ITGB5: variants seen among roughly 807,000 people sequenced by gnomAD.
ITGB5 encodes the protein integrin beta-5.
In ITGB5, 38 loss-of-function variants were observed where a neutral mutation model predicts 84.8. That is an observed-to-expected ratio of 0.45 (90% CI 0.35 to 0.59). ITGB5 has a LOEUF of 0.59. Among genes scored for constraint, ITGB5 ranks in the 20% least tolerant of loss-of-function variants. The pLI, the probability that ITGB5 is intolerant of heterozygous loss-of-function variation, is 0.01. For synonymous variants in ITGB5, 393 were observed against 414.4 expected, an observed-to-expected ratio of 0.95 and a Z score of 0.63; for missense variants, 905 against 1,034.5, an observed-to-expected ratio of 0.87 and a Z score of 1.72.
chr3:124,796,801 G>A lies in ITGB5; in HGVS notation c.1280C>T (p.Ser427Leu), dbSNP rs745476981. ...KIGDTASFEV[S>L]LEARSCPSRH... The stretch of plus-strand genomic sequence containing the variant: ...GCTGGGACAGCTTCGGGCCTCCAAT[G>A]ATACTTCAAAAGATGCCTGGGCAGA... Residue 427 changes from serine to leucine, a missense_variant, in exon 10 of 15, where the codon TCA (serine) becomes TTA (leucine). Ser to Leu is a moderately radical substitution (Grantham distance 145). Coordinates refer to ENST00000296181, the MANE Select transcript of ITGB5 (RefSeq NM_002213.5). 1 of 1,604,232 alleles carries A rather than the reference G, an allele frequency of 6.2e-7. No homozygotes were observed. The highest frequency in any genetic ancestry group is 8.5e-7 in the Non-Finnish European group (1 of 1,173,446).
Position 124,766,361 on chromosome 3 carries a change from G to A in ITGB5, c.2018-16C>T. 1 of 1,613,628 alleles carries A rather than the reference G, an allele frequency of 6.2e-7. No individual in the cohort carries two copies. On this transcript the variant is annotated splice_polypyrimidine_tract_variant and intron_variant, in intron 12 of 14. Transcript: ENST00000296181. ...TCATCTTTCACTGGAAGAAAACCAAGCGGGAATGGCCTGAGTCTCTCTGAG... is the reference window on the plus strand; with the variant it reads ...TCATCTTTCACTGGAAGAAAACCAAACGGGAATGGCCTGAGTCTCTCTGAG...
At chr3:124,885,579 G>A (rs1343293096) in intron 1 of ITGB5, among the ~76,000 whole-genome samples, 3 of 152,112 alleles carry the variant, frequency 2.0e-5, no homozygotes, top group Non-Finnish European at 4.4e-5. Flanking sequence ...CAAACTAAAG[G>A]AAAGTCCTTG....
At chr3:124,818,171 T>G (rs1386435892) in intron 7 of ITGB5, among the ~76,000 whole-genome samples, 1 of 151,976 alleles carries the variant, frequency 6.6e-6, no homozygotes, top group Non-Finnish European at 1.5e-5. Flanking sequence ...TATAGACCCT[T>G]TCTTTAATAG....
chr3:124,876,839 G>A lies in ITGB5; in HGVS notation c.71-3308C>T, dbSNP rs575462745. 1.3e-4 allele frequency among the ~76,000 whole-genome samples: 20 copies of A among 152,304 alleles called. No homozygotes were observed. The South Asian group carries it at 2.5e-3, about 19-fold the overall frequency. ...AAGCCATCCAGGGCCAAATGTGGAC[G>A]AAGAAGGTCTGAGAACACAACCTAC... is the stretch of plus-strand genomic sequence containing the variant. On this transcript the variant is annotated intron_variant, in intron 1 of 14. Coordinates refer to ENST00000296181, the MANE Select transcript of ITGB5 (RefSeq NM_002213.5).
intron 9 of ITGB5, 150 bp from the exon 10 acceptor site, chr3:124,796,967 G>C (rs1261990818): frequency 1.4e-6 from 1 of 696,788 alleles, no homozygotes; most frequent in African/African-American, 1.8e-5. Context: ...GGAGTAGGAA[G>C]AGACCTCAGA....
chr3:124,832,087 TAGAG>T (rs763612709), intron 5 of ITGB5, among the ~76,000 whole-genome samples: 28 of 152,242 alleles, frequency 1.8e-4, no homozygotes, highest in Non-Finnish European at 3.4e-4. Flanking sequence ...CTGTTTCTGA[TAGAG>T]AGGAAACTCT....
At chr3:124,885,178 G>C (rs575697611) in intron 1 of ITGB5, among the ~76,000 whole-genome samples, 10 of 152,222 alleles carry the variant, frequency 6.6e-5, no homozygotes, top group African/African-American at 2.4e-4. Flanking sequence ...GCTAAGCCAG[G>C]AGAATTGCTT....
intron 10 of ITGB5, among the ~76,000 whole-genome samples, chr3:124,783,551 G>T (rs1277312330): frequency 2.0e-5 from 3 of 152,200 alleles, no homozygotes; most frequent in Non-Finnish European, 2.9e-5. Context: ...CTGTCCTTTG[G>T]TTGTGGTTGA....
chr3:124,870,810 T>C (rs981179682), intron 2 of ITGB5, among the ~76,000 whole-genome samples: 14 of 151,074 alleles, frequency 9.3e-5, no homozygotes, highest in Admixed American at 5.9e-4. Flanking sequence ...GACAGATGGA[T>C]GGATGGATAA....
chr3:124,893,053 T>A (rs375751215), intron 1 of ITGB5, among the ~76,000 whole-genome samples: 1 of 152,202 alleles, frequency 6.6e-6, no homozygotes, highest in Admixed American at 6.5e-5. Flanking sequence ...CTCTGGTGAC[T>A]CTTTTGTAGA....
At position 124,858,390 on chromosome 3, in the gene ITGB5, G is replaced by A. The variant is rs374985735; in HGVS notation, c.361+852C>T. Among the ~76,000 whole-genome samples, 18 of 152,234 alleles carry A rather than the reference G, an allele frequency of 1.2e-4. No individual in the cohort carries two copies. The East Asian group carries it at 3.1e-3, about 26-fold the overall frequency. ...AAAAACACTTTTTCCTAAAAGTGGC[G>A]TGTTTCCTGAGCAACTTGCATTCAC... is the stretch of plus-strand genomic sequence containing the variant. On this transcript the variant is annotated intron_variant, in intron 3 of 14. Transcript: ENST00000296181.
intron 10 of ITGB5, among the ~76,000 whole-genome samples, chr3:124,780,509 A>G (rs1234275666): frequency 6.6e-6 from 1 of 152,216 alleles, no homozygotes; most frequent in Non-Finnish European, 1.5e-5. Context: ...GGCTTCCCTC[A>G]GCACAGCTCC....
chr3:124,787,951 A>T (rs2064105090), intron 10 of ITGB5, among the ~76,000 whole-genome samples: 1 of 140,352 alleles, frequency 7.1e-6, no homozygotes, highest in Non-Finnish European at 1.5e-5. Context: ...TCTGTTGCCC[A>T]GGCTGGAGTG....
At chr3:124,864,316 T>C (rs887145788) in intron 2 of ITGB5, among the ~76,000 whole-genome samples, 1 of 151,738 alleles carries the variant, frequency 6.6e-6, no homozygotes. Flanking sequence ...CCGTGTTTGC[T>C]AGAATAGTCT....
In ITGB5 at chr3:124,796,453, A is replaced by T. The variant is rs2064225215; in HGVS notation, c.1628T>A (p.Ile543Asn). 1 of 1,614,018 alleles carries T rather than the reference A, an allele frequency of 6.2e-7. No individual in the cohort carries two copies. The highest frequency in any genetic ancestry group is 1.7e-5 in the Admixed American group (1 of 60,000). Reference protein sequence around the residue: ...CSCFESEFGKIYGPFCECDNF... With the variant: ...CSCFESEFGKNYGPFCECDNF... ...GTCGCACTCACAGAAAGGCCCATAG[A>T]TCTTGCCAAACTCGCTCTCGAAGCA... Residue 543 changes from isoleucine to asparagine, a missense_variant, in exon 10 of 15, where the codon ATC becomes AAC. By Grantham distance (149) the Ile-to-Asn change is moderately radical (BLOSUM62 -3). Coordinates refer to ENST00000296181, the MANE Select transcript of ITGB5 (RefSeq NM_002213.5).
chr3:124,885,038 A>T (rs1175055945), intron 1 of ITGB5, among the ~76,000 whole-genome samples: 1 of 152,232 alleles, frequency 6.6e-6, no homozygotes. Flanking sequence ...TGGGAGGCCA[A>T]GGCAGTTAGA....
At chr3:124,826,434 G>C (rs2064785279) in intron 5 of ITGB5, among the ~76,000 whole-genome samples, 1 of 152,120 alleles carries the variant, frequency 6.6e-6, no homozygotes, top group African/African-American at 2.4e-5. Context: ...CACCTCAAAA[G>C]CTTTTTTCTT....
chr3:124,781,619 G>C (rs1475708716), intron 10 of ITGB5, among the ~76,000 whole-genome samples: 1 of 152,202 alleles, frequency 6.6e-6, no homozygotes, highest in Non-Finnish European at 1.5e-5. Context: ...GAGAGAAGTT[G>C]CTCTTGAAAA....
chr3:124,856,659 T>C (rs1280416636), intron 3 of ITGB5, among the ~76,000 whole-genome samples: 2 of 152,194 alleles, frequency 1.3e-5, no homozygotes, highest in African/African-American at 2.4e-5. Flanking sequence ...GTGGATTATT[T>C]TTCTAGAATT....
Sources: allele counts gnomAD v4.1 joint callset (sites outside exome capture counted in the v4.1 genomes callset), GRCh38; gene constraint gnomAD v4.1.1; transcripts MANE v1.5; gene names NCBI Gene and HGNC (gene_info 2026-07-23, HGNC 2026-07-21).